Variants in KMT2E observed in about 807,000 individuals in gnomAD.
The protein encoded by KMT2E is lysine methyltransferase 2E (inactive).
Under a neutral mutation model 184.6 loss-of-function variants are expected in KMT2E, and 30 were observed. That is an observed-to-expected ratio of 0.16 (90% confidence interval 0.12 to 0.22). The LOEUF (loss-of-function observed/expected upper bound fraction) is 0.22, where lower values mean the gene tolerates loss of function less well. Among genes scored for constraint, KMT2E ranks in the 10% least tolerant of loss-of-function variants. The pLI is 1.00. For synonymous variants in KMT2E, 815 were observed against 776.5 expected (o/e 1.05, Z -0.82); for missense variants, 2,023 against 2,237.4 (o/e 0.90, Z 1.93).
intron 6 of KMT2E, among the ~76,000 whole-genome samples, chr7:105,070,491 G>C (rs550186011): frequency 6.6e-6 from 1 of 151,738 alleles, no homozygotes; most frequent in East Asian, 1.9e-4. Context: ...AAAATTAGCC[G>C]GGCATGGTGG....
chr7:105,084,944 A>C (rs1175138065), intron 13 of KMT2E, among the ~76,000 whole-genome samples: 1 of 152,210 alleles, frequency 6.6e-6, no homozygotes, highest in East Asian at 1.9e-4. Context: ...ATAGGTTTTG[A>C]TAAATTTTAA....
Position 105,106,228 on chromosome 7 carries a change from T to A in KMT2E, c.2596+225T>A, listed in dbSNP as rs1440809281. Among the ~76,000 whole-genome samples, 4 of 152,184 alleles carry A rather than the reference T, an allele frequency of 2.6e-5. No homozygotes were observed. The East Asian group carries it at 7.7e-4, about 29-fold the overall frequency. ...ATTTAAAGGCTTCTGGACTGGCTGC[T>A]TTTCAGACAGACAAGGACTCTTACA... On this transcript the variant is annotated intron_variant, in intron 19 of 26. Transcript: ENST00000311117.
At chr7:105,082,516 A>G (rs1292600240) in intron 13 of KMT2E, among the ~76,000 whole-genome samples, 1 of 152,082 alleles carries the variant, frequency 6.6e-6, no homozygotes, top group East Asian at 1.9e-4. Context: ...GATACAATAT[A>G]TTTACTGTTC....
chr7:105,111,540 AG>A (rs1447371984), intron 26 of KMT2E, among the ~76,000 whole-genome samples: 1 of 152,116 alleles, frequency 6.6e-6, no homozygotes, highest in Non-Finnish European at 1.5e-5. Context: ...TTCATTGCTT[AG>A]GGGTAAAAAG....
At chr7:105,016,510 A>G (rs1425404766) in intron 1 of KMT2E, among the ~76,000 whole-genome samples, 1 of 152,190 alleles carries the variant, frequency 6.6e-6, no homozygotes, top group Admixed American at 6.5e-5. Flanking sequence ...AGGGTCTTGA[A>G]TCCATTTTAT....
chr7:105,092,681 T>C (rs566135097), intron 15 of KMT2E, among the ~76,000 whole-genome samples: 5 of 152,370 alleles, frequency 3.3e-5, no homozygotes, highest in Admixed American at 6.5e-5. Flanking sequence ...ATATAAGTTA[T>C]GTGTGCCTTT....
chr7:105,097,337 A>ATAAG (rs1165314151), intron 15 of KMT2E, among the ~76,000 whole-genome samples: 3 of 152,242 alleles, frequency 2.0e-5, no homozygotes, highest in Non-Finnish European at 2.9e-5. Context: ...ATTTCTAAAG[A>ATAAG]TAAGTAATTA....
intron 1 of KMT2E, among the ~76,000 whole-genome samples, chr7:105,034,292 G>C (rs1795544273): frequency 6.6e-6 from 1 of 152,146 alleles, no homozygotes; most frequent in African/African-American, 2.4e-5. Flanking sequence ...TTGGAGAGTA[G>C]TATGATCACA....
chr7:105,064,098 G>T, intron 5 of KMT2E: 2 of 417,308 alleles, frequency 4.8e-6, no homozygotes. Context: ...ACCAAGAAAG[G>T]CCTCCTCCCC....
chr7:105,021,436 C>G (rs570299572), intron 1 of KMT2E, among the ~76,000 whole-genome samples: 2 of 152,274 alleles, frequency 1.3e-5, no homozygotes, highest in East Asian at 3.9e-4. Context: ...TTTATTTCAC[C>G]TTCTTAAAAG....
rs760416502 is a variant in KMT2E, at chr7:105,101,936, T to C, written c.1938T>C (p.Asn646=). The change falls in exon 17 of 27, where the codon AAT becomes AAC. Residue 646 remains asparagine (N), a synonymous_variant. Coordinates refer to ENST00000311117, the MANE Select transcript of KMT2E (RefSeq NM_182931.3). Reference sequence around the variant, plus strand: ...GCAAGCCAACCCCTGCCAAAGTAAATAGAACTAAACAGAGAAAAAGTTTTT... The same window carrying C: ...GCAAGCCAACCCCTGCCAAAGTAAACAGAACTAAACAGAGAAAAAGTTTTT... The part of the protein sequence containing the change: ...NASKPTPAKV[N]RTKQRKSFSR... 6 of 1,611,766 alleles carry C rather than the reference T, an allele frequency of 3.7e-6. No homozygotes were observed. The highest frequency in any genetic ancestry group is 2.7e-5 in the African/African-American group (2 of 74,764).
intron 1 of KMT2E, among the ~76,000 whole-genome samples, chr7:105,016,235 A>G (rs1794711648): frequency 6.6e-6 from 1 of 152,260 alleles, no homozygotes; most frequent in Non-Finnish European, 1.5e-5. Flanking sequence ...CATTGGGTGT[A>G]GAGATGCCAT....
chr7:105,108,891 C>A, intron 22 of KMT2E, 51 bp from the exon 23 acceptor site: 1 of 1,463,228 alleles, frequency 6.8e-7, no homozygotes, highest in Non-Finnish European at 9.2e-7. Context: ...TTGGTTCTGA[C>A]ATAAAAAACA....
At chr7:105,022,844 C>A (rs560749302) in intron 1 of KMT2E, among the ~76,000 whole-genome samples, 2 of 152,102 alleles carry the variant, frequency 1.3e-5, no homozygotes, top group East Asian at 3.9e-4. Context: ...GTGGGAGTTT[C>A]GTTTTCTTGT....
At chr7:105,070,154 G>T (rs965418983) in intron 6 of KMT2E, among the ~76,000 whole-genome samples, 12 of 151,718 alleles carry the variant, frequency 7.9e-5, no homozygotes, top group Admixed American at 7.9e-4. Context: ...TTGTTTACAG[G>T]TTTTTGTGTG....
In KMT2E at chr7:105,062,262, T is replaced by C. The variant is rs767958893; in HGVS notation, c.170T>C (p.Ile57Thr). Reference sequence around the variant, plus strand: ...AGCTCACATCATTCACACAGTTACATTGGTTTGCCCTATGCGGTAAGTGTT... The same window carrying C: ...AGCTCACATCATTCACACAGTTACACTGGTTTGCCCTATGCGGTAAGTGTT... ...TSSSHHSHSY[I>T]GLPYADHNYG... Residue 57 changes from isoleucine (I) to threonine (T), a missense_variant, in exon 4 of 27, where the codon ATT becomes ACT. Transcript: ENST00000311117. 19 of 1,612,490 alleles carry C rather than the reference T, an allele frequency of 1.2e-5. No homozygotes were observed. The Admixed American group carries it at 2.0e-4, about 17-fold the overall frequency.
chr7:105,048,300 G>C (rs111861770), intron 3 of KMT2E, among the ~76,000 whole-genome samples: 1 of 152,038 alleles, frequency 6.6e-6, no homozygotes, highest in Non-Finnish European at 1.5e-5. Context: ...GCCTCCCAAC[G>C]TGCTGAGATT....
At chr7:105,067,315 A>G (rs544856097) in intron 6 of KMT2E, among the ~76,000 whole-genome samples, 21 of 152,124 alleles carry the variant, frequency 1.4e-4, no homozygotes, top group African/African-American at 5.1e-4. Context: ...GGAATGCGCT[A>G]TATTAAAGAG....
intron 3 of KMT2E, among the ~76,000 whole-genome samples, chr7:105,051,749 G>A (rs1001829579): frequency 2.0e-5 from 3 of 152,066 alleles, no homozygotes; most frequent in African/African-American, 7.2e-5. Context: ...CTCCAGAGTA[G>A]ATGGGACTAC....
Sources: allele counts gnomAD v4.1 joint callset (sites outside exome capture counted in the v4.1 genomes callset), GRCh38; gene constraint gnomAD v4.1.1; transcripts MANE v1.5; gene names NCBI Gene and HGNC (gene_info 2026-07-23, HGNC 2026-07-21).